PTPRD: variants seen among roughly 807,000 people sequenced by gnomAD.
PTPRD encodes protein tyrosine phosphatase receptor type D, also known as receptor-type tyrosine-protein phosphatase delta.
Under a neutral mutation model 214.5 loss-of-function variants are expected in PTPRD, and 34 were observed. The observed-to-expected ratio is 0.16, with a 90% CI of 0.12 to 0.21. The LOEUF is 0.21. Ranked by LOEUF, PTPRD falls within the 10% of genes least tolerant of loss-of-function variation. The pLI, the probability that PTPRD is intolerant of heterozygous loss-of-function variation, is 1.00. For synonymous variants in PTPRD, 1,128 were observed against 845.7 expected (o/e 1.33, Z -5.79); for missense variants, 2,545 against 2,398.7 (o/e 1.06, Z -1.27).
At chr9:9,331,216 CTTT>C (rs1347937727) in intron 9 of PTPRD, among the ~76,000 whole-genome samples, 2 of 152,088 alleles carry the variant, frequency 1.3e-5, no homozygotes, top group Non-Finnish European at 1.5e-5. Flanking sequence ...AGTTTCCCCT[CTTT>C]TATAACTTTA....
intron 10 of PTPRD, among the ~76,000 whole-genome samples, chr9:9,177,272 G>A (rs945034429): frequency 1.3e-5 from 2 of 151,934 alleles, no homozygotes; most frequent in African/African-American, 4.8e-5. Context: ...CAGCATGGGG[G>A]AAACTGCCCC....
At chr9:10,432,436 TAA>T (rs377048656) in intron 2 of PTPRD, among the ~76,000 whole-genome samples, 1 of 147,356 alleles carries the variant, frequency 6.8e-6, no homozygotes, top group Non-Finnish European at 1.5e-5. Context: ...TAAAGTATAA[TAA>T]AAAAAAAAGA....
chr9:9,421,433 A>G (rs2078768221), intron 8 of PTPRD, among the ~76,000 whole-genome samples: 1 of 152,098 alleles, frequency 6.6e-6, no homozygotes, highest in Non-Finnish European at 1.5e-5. Flanking sequence ...ACTAAACCAT[A>G]AAATATTTCT....
At chr9:10,265,540 A>C (rs1371751055) in intron 3 of PTPRD, among the ~76,000 whole-genome samples, 1 of 152,190 alleles carries the variant, frequency 6.6e-6, no homozygotes, top group Non-Finnish European at 1.5e-5. Context: ...TTACTCTGTA[A>C]AGGGCCAGAT....
At chr9:9,466,009 T>C (rs1042444150) in intron 8 of PTPRD, among the ~76,000 whole-genome samples, 2 of 152,106 alleles carry the variant, frequency 1.3e-5, no homozygotes, top group African/African-American at 4.8e-5. Context: ...TGAATCACAC[T>C]ACAATATAAA....
intron 9 of PTPRD, among the ~76,000 whole-genome samples, chr9:9,270,400 A>G (rs2132731085): frequency 6.6e-6 from 1 of 151,460 alleles, no homozygotes; most frequent in South Asian, 2.1e-4. Context: ...AAAAATATGA[A>G]GAATAAGAGC....
intron 14 of PTPRD, among the ~76,000 whole-genome samples, chr9:8,557,887 G>A (rs566096400): frequency 1.4e-5 from 2 of 147,830 alleles, no homozygotes; most frequent in African/African-American, 5.0e-5. Flanking sequence ...AAGAAACAAG[G>A]AAATAAACAT....
intron 12 of PTPRD, among the ~76,000 whole-genome samples, chr9:8,710,018 C>A (rs1303904439): frequency 6.6e-6 from 1 of 152,186 alleles, no homozygotes; most frequent in African/African-American, 2.4e-5. Flanking sequence ...CTCCAAACTA[C>A]AATTTACCCT....
chr9:8,523,998 C>A (rs542694847), intron 18 of PTPRD, among the ~76,000 whole-genome samples: 24 of 152,176 alleles, frequency 1.6e-4, no homozygotes, highest in African/African-American at 5.8e-4. Flanking sequence ...CCCTCTCAGT[C>A]TTTTCTTTAA....
chr9:9,423,531 AG>A (rs2079632859), intron 8 of PTPRD, among the ~76,000 whole-genome samples: 1 of 152,166 alleles, frequency 6.6e-6, no homozygotes, highest in South Asian at 2.1e-4. Context: ...CAATATCACC[AG>A]GCATACAAAA....
chr9:10,229,556 C>G (rs1198868175), intron 3 of PTPRD, among the ~76,000 whole-genome samples: 1 of 152,004 alleles, frequency 6.6e-6, no homozygotes, highest in Admixed American at 6.6e-5. Context: ...TTTGTAGGGA[C>G]ATGGATGAAG....
intron 2 of PTPRD, among the ~76,000 whole-genome samples, chr9:10,446,061 C>CG (rs2098796770): frequency 6.6e-6 from 1 of 151,880 alleles, no homozygotes; most frequent in Non-Finnish European, 1.5e-5. Flanking sequence ...CATTCCAGAG[C>CG]GGGGAAGTAC....
At chr9:10,481,085 C>A (rs2099094539) in intron 2 of PTPRD, among the ~76,000 whole-genome samples, 2 of 150,990 alleles carry the variant, frequency 1.3e-5, no homozygotes. Flanking sequence ...CATTAAAAAT[C>A]TATCCTGCTC....
At chr9:10,327,156 C>T (rs1345237477) in intron 3 of PTPRD, among the ~76,000 whole-genome samples, 3 of 119,748 alleles carry the variant, frequency 2.5e-5, no homozygotes, top group African/African-American at 6.9e-5. Flanking sequence ...TGCATTTGTG[C>T]ACATATATGT....
intron 3 of PTPRD, among the ~76,000 whole-genome samples, chr9:10,126,960 T>TTTTTTTTTTTTA: frequency 6.6e-6 from 1 of 151,566 alleles, no homozygotes; most frequent in African/African-American, 2.4e-5. Flanking sequence ...TTTTTTTTTT[T>TTTTTTTTTTTTA]TTTGGCAGAA....
At chr9:8,640,553 C>CAAAAAA (rs1311723005) in intron 12 of PTPRD, among the ~76,000 whole-genome samples, 1 of 77,866 alleles carries the variant, frequency 1.3e-5, no homozygotes, top group Non-Finnish European at 2.6e-5. Context: ...TCTTAAAAAA[C>CAAAAAA]AAAAAAACAA....
intron 5 of PTPRD, among the ~76,000 whole-genome samples, chr9:9,898,538 G>A (rs116370971): frequency 3.6e-4 from 55 of 152,102 alleles, no homozygotes; most frequent in African/African-American, 1.1e-3. Context: ...TCTAGATTAC[G>A]CTCTAGATGC....
chr9:8,881,359 C>T lies in PTPRD; in HGVS notation c.-104+137338G>A, dbSNP rs901317077. Among the ~76,000 whole-genome samples the T allele has an allele frequency of 9.2e-5, 14 of 152,286 alleles. 1 individual carries two copies. Among genetic ancestry groups the T allele is most frequent in the Admixed American group, 8.5e-4 (13 of 15,290 alleles). On this transcript the variant is annotated intron_variant, in intron 11 of 45. Transcript: ENST00000381196. ...TCCATGAATATTTTTGTAAGGAACT[C>T]ACTTCTAATATATCCATTTGGTTAG...
At chr9:9,449,145 G>C (rs2091394204) in intron 8 of PTPRD, among the ~76,000 whole-genome samples, 1 of 151,972 alleles carries the variant, frequency 6.6e-6, no homozygotes, top group South Asian at 2.1e-4. Context: ...CCAGAACAGT[G>C]AATTCTTTCT....
Sources: gnomAD v4.1 joint callset for allele counts (sites outside exome capture counted in the v4.1 genomes callset) on GRCh38, gnomAD v4.1.1 for gene constraint, MANE v1.5 for transcripts, NCBI Gene and HGNC (gene_info 2026-07-23, HGNC 2026-07-21) for gene names.